SRF: variants seen among roughly 807,000 people sequenced by gnomAD.
SRF encodes c-fos serum response element-binding transcription factor.
Under a neutral mutation model 37.1 loss-of-function variants are expected in SRF, and 7 were observed. That is an observed-to-expected ratio of 0.19 (90% CI 0.11 to 0.35). SRF has a LOEUF of 0.35. Ranked by LOEUF, SRF falls within the 10% of genes least tolerant of loss-of-function variation. The pLI, the probability that SRF is intolerant of heterozygous loss-of-function variation, is 1.00. For synonymous variants in SRF, 285 were observed against 310.1 expected (o/e 0.92, Z 0.85); for missense variants, 395 against 694.4 (o/e 0.57, Z 4.85).
Position 43,172,235 on chromosome 6 carries a change from G to C in SRF, c.513+66G>C. On this transcript the variant is annotated intron_variant, in intron 1 of 6. Transcript: ENST00000265354. This position sits in a 1 kb window ranked among gnomAD's most constrained non-coding sequence, Gnocchi z 5.7. ...GGGTGGGGATGTGCAAAGGGAGCCC[G>C]GGAGGACCGCAGAGCCGAGGCGGAG... 1 of 1,557,664 alleles carries C rather than the reference G, an allele frequency of 6.4e-7. No individual in the cohort carries two copies. Among genetic ancestry groups the C allele is most frequent in the South Asian group, 1.2e-5 (1 of 86,852 alleles).
Position 43,180,490 on chromosome 6 carries a change from C to T in SRF, c.*1300C>T, listed in dbSNP as rs1772298513. On this transcript the variant is annotated 3_prime_UTR_variant, in exon 7 of 7. Transcript: ENST00000265354. ...GGGAGCCAGAAATGGGCAGTTCTCCCAGGGAGTGAGCAGCTACTGTAACTT... is the reference window on the plus strand; with the variant it reads ...GGGAGCCAGAAATGGGCAGTTCTCCTAGGGAGTGAGCAGCTACTGTAACTT... 6.6e-6 allele frequency: 1 copy of T among 152,658 alleles called. No individual in the cohort carries two copies. Among genetic ancestry groups the T allele is most frequent in the Admixed American group, 6.5e-5 (1 of 15,282 alleles). The allele number at this position is 152,658 out of a possible 1,614,324, so 9.5% of individuals were successfully genotyped here. A position where few individuals can be genotyped will look rare whatever the true frequency, so the allele number is the denominator to read the frequency against.
In SRF at chr6:43,179,173, A is replaced by G; in HGVS notation, c.1510A>G (p.Ser504Gly). Reference protein sequence around the residue: ...LQVVNLDTAHSTKSE With the variant: ...LQVVNLDTAHGTKSE ...GGTGGTGAACCTGGACACCGCCCAC[A>G]GCACCAAGAGTGAATGATCCGCCCG... The change falls in exon 7 of 7, where the codon AGC becomes GGC. Residue 504 changes from serine to glycine, a missense_variant. Physicochemically the swap from Ser to Gly is moderately conservative, Grantham distance 56 (BLOSUM62 0). Transcript: ENST00000265354. This position sits in a 1 kb window ranked among gnomAD's most constrained non-coding sequence, Gnocchi z 5.3. The G allele has an allele frequency of 2.5e-6, 4 of 1,614,264 alleles. No homozygotes were observed. The highest frequency in any genetic ancestry group is 2.5e-6 in the Non-Finnish European group (3 of 1,180,042).
In SRF at chr6:43,176,118, C is replaced by G. The variant is rs1772194785; in HGVS notation, c.1042+151C>G. The G allele has an allele frequency of 6.1e-6, 7 of 1,140,764 alleles. No homozygotes were observed. Among genetic ancestry groups the G allele is most frequent in the Non-Finnish European group, 4.9e-6 (4 of 823,428 alleles). The allele number at this position is 1,140,764 out of a possible 1,614,324, so 70.7% of individuals were successfully genotyped here. On this transcript the variant is annotated intron_variant, in intron 3 of 6. Coordinates refer to ENST00000265354, the MANE Select transcript of SRF (RefSeq NM_003131.4). This position sits in a 1 kb window ranked among gnomAD's most constrained non-coding sequence, Gnocchi z 4.0. ...GAGCCTGAGCGAAGCCTCTTATATC[C>G]CGTTGGCAGGCATACCTCTGCCCAC...
Position 43,178,986 on chromosome 6 carries a change from A to G in SRF, c.1431+104A>G, listed in dbSNP as rs1030376896. ...TCAAAGCCAAAATCCCTAGCCTGGA[A>G]GCCCATCTGCTTTTCTGCTCAGGCC... On this transcript the variant is annotated intron_variant, in intron 6 of 6. Transcript: ENST00000265354. This position sits in a 1 kb window ranked among gnomAD's most constrained non-coding sequence, Gnocchi z 4.3. 6.4e-6 allele frequency: 10 copies of G among 1,565,404 alleles called. No individual in the cohort carries two copies. Among genetic ancestry groups the G allele is most frequent in the Admixed American group, 1.7e-5 (1 of 59,608 alleles).
rs1772119745 is a variant in SRF at position 43,172,142 on chromosome 6, C to T, written c.486C>T (p.Ser162=). The T allele has an allele frequency of 2.5e-6, 4 of 1,611,760 alleles. No individual in the cohort carries two copies. The East Asian group carries it at 8.9e-5, about 36-fold the overall frequency. Residue 162 remains serine (S), a synonymous_variant, in exon 1 of 7, where the codon AGC becomes AGT. Coordinates refer to ENST00000265354, the MANE Select transcript of SRF (RefSeq NM_003131.4). This position sits in a 1 kb window ranked among gnomAD's most constrained non-coding sequence, Gnocchi z 5.7. ...DNKLRRYTTF[S]KRKTGIMKKA... ...AGCTGCGGCGCTACACGACCTTCAGCAAGAGGAAGACGGGCATCATGAAGA... is the reference window on the plus strand; with the variant it reads ...AGCTGCGGCGCTACACGACCTTCAGTAAGAGGAAGACGGGCATCATGAAGA...
At position 43,178,605 on chromosome 6, in the gene SRF, C is replaced by A; in HGVS notation, c.1354+120C>A. On this transcript the variant is annotated intron_variant, in intron 5 of 6. Transcript: ENST00000265354. This position sits in a 1 kb window ranked among gnomAD's most constrained non-coding sequence, Gnocchi z 4.3. ...CAAATATTTCTACCCAAATACAACACAGACTTGGATGCTCACACACACATT... is the reference window on the plus strand; with the variant it reads ...CAAATATTTCTACCCAAATACAACAAAGACTTGGATGCTCACACACACATT... 7.3e-7 allele frequency: 1 copy of A among 1,373,352 alleles called. No individual in the cohort carries two copies. The highest frequency in any genetic ancestry group is 1.0e-6 in the Non-Finnish European group (1 of 993,036). 85.1% of individuals were successfully genotyped at this position (1,373,352 alleles called of 1,614,324 possible).
Position 43,179,268 on chromosome 6 carries a change from C to A in SRF, c.*78C>A. The stretch of plus-strand genomic sequence containing the variant: ...GTTGCCTTTTCACGTTTTCTTTACA[C>A]ACACGTTGACGGGCCGCAGGAGGGA... On this transcript the variant is annotated 3_prime_UTR_variant, in exon 7 of 7. Transcript: ENST00000265354. The surrounding 1 kb of genome is among the most constrained non-coding windows in gnomAD (Gnocchi z 5.3). The A allele has an allele frequency of 1.3e-6, 2 of 1,494,964 alleles. No homozygotes were observed. The highest frequency in any genetic ancestry group is 1.8e-5 in the Admixed American group (1 of 54,104). The allele number at this position is 1,494,964 out of a possible 1,614,324, so 92.6% of individuals were successfully genotyped here.
rs1772248586 is a variant in SRF, at chr6:43,178,557, A to T, written c.1354+72A>T. The stretch of plus-strand genomic sequence containing the variant: ...TATACACACACACACACACACATAC[A>T]CACACATATGCACTGATGCCTACAA... On this transcript the variant is annotated intron_variant, in intron 5 of 6. Transcript: ENST00000265354. The surrounding 1 kb of genome is among the most constrained non-coding windows in gnomAD (Gnocchi z 4.3). The T allele has an allele frequency of 1.3e-6, 2 of 1,495,320 alleles. No individual in the cohort carries two copies. Among genetic ancestry groups the T allele is most frequent in the Non-Finnish European group, 1.8e-6 (2 of 1,088,612 alleles). The allele number at this position is 1,495,320 out of a possible 1,614,324, so 92.6% of individuals were successfully genotyped here. A position where few individuals can be genotyped will look rare whatever the true frequency, so the allele number is the denominator to read the frequency against.
At position 43,181,471 on chromosome 6, in the gene SRF, T is replaced by A. The variant is rs1772340573; in HGVS notation, c.*2281T>A. On this transcript the variant is annotated 3_prime_UTR_variant, in exon 7 of 7. Coordinates refer to ENST00000265354, the MANE Select transcript of SRF (RefSeq NM_003131.4). ...AGCTTTCTTTTGTATTAAAAAAAAA[T>A]ACTCTTTCAATAAATGTATCATTTT... 6.6e-6 allele frequency: 1 copy of A among 152,522 alleles called. No individual in the cohort carries two copies. Among genetic ancestry groups the A allele is most frequent in the Non-Finnish European group, 1.5e-5 (1 of 68,012 alleles). The allele number at this position is 152,522 out of a possible 1,614,324, so 9.4% of individuals were successfully genotyped here. A position where few individuals can be genotyped will look rare whatever the true frequency, so the allele number is the denominator to read the frequency against.
chr6:43,178,691 C>T lies in SRF; in HGVS notation c.1355-115C>T. ...CCCTCAGACACACTGGCACCCTTTC[C>T]CTTGGGCTCTTACATCTGAGACTGC... On this transcript the variant is annotated intron_variant, in intron 5 of 6. Coordinates refer to ENST00000265354, the MANE Select transcript of SRF (RefSeq NM_003131.4). The surrounding 1 kb of genome is among the most constrained non-coding windows in gnomAD (Gnocchi z 4.3). 7.6e-7 allele frequency: 1 copy of T among 1,314,340 alleles called. No homozygotes were observed. The highest frequency in any genetic ancestry group is 1.2e-5 in the South Asian group (1 of 83,134). The allele number at this position is 1,314,340 out of a possible 1,614,324, so 81.4% of individuals were successfully genotyped here.
Position 43,172,858 on chromosome 6 carries a change from G to A in SRF, c.513+689G>A, listed in dbSNP as rs931533145. 6.6e-6 allele frequency among the ~76,000 whole-genome samples: 1 copy of A among 152,194 alleles called. No individual in the cohort carries two copies. Among genetic ancestry groups the A allele is most frequent in the East Asian group, 1.9e-4 (1 of 5,194 alleles). ...CAAGTGGGGTTTCCAGCCCTAGGGA[G>A]AATCTATGCTTGGATGGGGTTTGGG... On this transcript the variant is annotated intron_variant, in intron 1 of 6. Coordinates refer to ENST00000265354, the MANE Select transcript of SRF (RefSeq NM_003131.4). The surrounding 1 kb of genome is among the most constrained non-coding windows in gnomAD (Gnocchi z 5.7).
Position 43,179,553 on chromosome 6 carries a change from GTCC to G in SRF, c.*369_*371del, listed in dbSNP as rs548419488. On this transcript the variant is annotated 3_prime_UTR_variant, in exon 7 of 7. Transcript: ENST00000265354. This position sits in a 1 kb window ranked among gnomAD's most constrained non-coding sequence, Gnocchi z 5.3. Reference sequence around the variant, plus strand: ...GGCCTTCTGTGGGGCTGGGCACCGTGTCCTCCTCTGAGGAAGCAGTTGGGGCCC... The same window carrying G: ...GGCCTTCTGTGGGGCTGGGCACCGTGTCCTCTGAGGAAGCAGTTGGGGCCC... 2.1e-3 allele frequency: 624 copies of G among 290,510 alleles called. 5 individuals are homozygous for G. Among genetic ancestry groups the G allele is most frequent in the African/African-American group, 0.013 (606 of 46,190 alleles). The allele number at this position is 290,510 out of a possible 1,614,324, so 18.0% of individuals were successfully genotyped here.
At position 43,180,323 on chromosome 6, in the gene SRF, A is replaced by G. The variant is rs1772289850; in HGVS notation, c.*1133A>G. 1 of 150,590 alleles carries G rather than the reference A, an allele frequency of 6.6e-6. No individual in the cohort carries two copies. The highest frequency in any genetic ancestry group is 2.4e-5 in the African/African-American group (1 of 40,882). 9.3% of individuals were successfully genotyped at this position (150,590 alleles called of 1,614,324 possible). ...CTTCATTTGTGCCACACGCATGGGC[A>G]TTGCAGCCTTGCGCTGTCCCAGGCA... On this transcript the variant is annotated 3_prime_UTR_variant, in exon 7 of 7. Coordinates refer to ENST00000265354, the MANE Select transcript of SRF (RefSeq NM_003131.4).
At position 43,172,216 on chromosome 6, in the gene SRF, G is replaced by T. The variant is rs968751087; in HGVS notation, c.513+47G>T. ...CGGCCCCGGGGCCCGGTTGGGGTGG[G>T]GATGTGCAAAGGGAGCCCGGGAGGA... On this transcript the variant is annotated intron_variant, in intron 1 of 6. Transcript: ENST00000265354. This position sits in a 1 kb window ranked among gnomAD's most constrained non-coding sequence, Gnocchi z 5.7. The T allele has an allele frequency of 6.3e-7, 1 of 1,583,418 alleles. No individual in the cohort carries two copies.
chr6:43,179,217 C>T lies in SRF; in HGVS notation c.*27C>T, dbSNP rs1772263578. On this transcript the variant is annotated 3_prime_UTR_variant, in exon 7 of 7. Coordinates refer to ENST00000265354, the MANE Select transcript of SRF (RefSeq NM_003131.4). The surrounding 1 kb of genome is among the most constrained non-coding windows in gnomAD (Gnocchi z 5.3). ...CCGCCCGCCGCCCTGGACAGATGGC[C>T]CAAGGGATGGCACCACTTATTTATT... The T allele has an allele frequency of 6.2e-7, 1 of 1,610,880 alleles. No homozygotes were observed. Among genetic ancestry groups the T allele is most frequent in the Middle Eastern group, 1.7e-4 (1 of 6,052 alleles).
Position 43,171,719 on chromosome 6 carries a change from C to A in SRF, c.63C>A (p.Ser21Arg). The part of the protein sequence containing the change: ...ALGRGSALGG[S>R]LNRTPTGRPG... ...GCCGGGGCTCGGCCCTGGGGGGCAG[C>A]CTGAACCGGACCCCGACGGGGCGGC... Residue 21 changes from serine to arginine, a missense_variant, in exon 1 of 7, where the codon AGC becomes AGA. Transcript: ENST00000265354. The surrounding 1 kb of genome is among the most constrained non-coding windows in gnomAD (Gnocchi z 6.5). The A allele has an allele frequency of 8.3e-7, 1 of 1,205,196 alleles. No homozygotes were observed. Among genetic ancestry groups the A allele is most frequent in the Non-Finnish European group, 1.0e-6 (1 of 970,194 alleles). The allele number at this position is 1,205,196 out of a possible 1,614,324, so 74.7% of individuals were successfully genotyped here.
In SRF at chr6:43,178,700, C is replaced by T. The variant is rs1772250420; in HGVS notation, c.1355-106C>T. 7.3e-7 allele frequency: 1 copy of T among 1,369,324 alleles called. No homozygotes were observed. Among genetic ancestry groups the T allele is most frequent in the East Asian group, 2.3e-5 (1 of 43,568 alleles). The allele number at this position is 1,369,324 out of a possible 1,614,324, so 84.8% of individuals were successfully genotyped here. ...ACACTGGCACCCTTTCCCTTGGGCT[C>T]TTACATCTGAGACTGCCCCAGTCAC... On this transcript the variant is annotated intron_variant, in intron 5 of 6. Coordinates refer to ENST00000265354, the MANE Select transcript of SRF (RefSeq NM_003131.4). This position sits in a 1 kb window ranked among gnomAD's most constrained non-coding sequence, Gnocchi z 4.3.
At position 43,172,472 on chromosome 6, in the gene SRF, G is replaced by A; in HGVS notation, c.513+303G>A. ...AAGGGGTGAGGAGCGGTGATGGGAG[G>A]CTACGAGGCTGCCGGGGAGGTGGAT... On this transcript the variant is annotated intron_variant, in intron 1 of 6. Transcript: ENST00000265354. This position sits in a 1 kb window ranked among gnomAD's most constrained non-coding sequence, Gnocchi z 5.7. 1 of 985,224 alleles carries A rather than the reference G, an allele frequency of 1.0e-6. No homozygotes were observed. 61.0% of individuals were successfully genotyped at this position (985,224 alleles called of 1,614,324 possible). A position where few individuals can be genotyped will look rare whatever the true frequency, so the allele number is the denominator to read the frequency against.
At position 43,176,773 on chromosome 6, in the gene SRF, A is replaced by G; in HGVS notation, c.1162+106A>G. The G allele has an allele frequency of 6.7e-7, 1 of 1,482,998 alleles. No individual in the cohort carries two copies. Among genetic ancestry groups the G allele is most frequent in the Non-Finnish European group, 9.1e-7 (1 of 1,094,958 alleles). The allele number at this position is 1,482,998 out of a possible 1,614,324, so 91.9% of individuals were successfully genotyped here. A position where few individuals can be genotyped will look rare whatever the true frequency, so the allele number is the denominator to read the frequency against. ...TGTAACTAAAGTCAGGGGATTTCTT[A>G]AAGTGGAGATTGAGGCTTTGGGCCT... On this transcript the variant is annotated intron_variant, in intron 4 of 6. Coordinates refer to ENST00000265354, the MANE Select transcript of SRF (RefSeq NM_003131.4). The surrounding 1 kb of genome is among the most constrained non-coding windows in gnomAD (Gnocchi z 4.0).
Sources: allele counts gnomAD v4.1 joint callset (sites outside exome capture counted in the v4.1 genomes callset), GRCh38; gene constraint gnomAD v4.1.1; non-coding constraint Gnocchi (gnomAD v3.1); transcripts MANE v1.5; gene names NCBI Gene and HGNC (gene_info 2026-07-23, HGNC 2026-07-21).